The following SYT1 variants were observed in gnomAD, a reference collection of about 807,000 sequenced individuals.
The protein encoded by SYT1 is synaptotagmin-1.
Under a neutral mutation model 44.8 loss-of-function variants are expected in SYT1, and 8 were observed. The ratio of observed to expected loss-of-function variants is 0.18; its 90% CI spans 0.10 to 0.32. The LOEUF (loss-of-function observed/expected upper bound fraction) is 0.32, where lower values mean the gene tolerates loss of function less well. Among genes scored for constraint, SYT1 ranks in the 10% least tolerant of loss-of-function variants. SYT1 has a pLI of 1.00. For synonymous variants in SYT1, 154 were observed against 188.8 expected (o/e 0.82, Z 1.51); for missense variants, 286 against 509.3 (o/e 0.56, Z 4.22).
intron 3 of SYT1, among the ~76,000 whole-genome samples, chr12:79,069,218 G>C (rs920385999): frequency 2.6e-5 from 4 of 152,186 alleles, no homozygotes; most frequent in Admixed American, 2.0e-4. Flanking sequence ...AAGACCACAG[G>C]TAATATTTCT....
At chr12:78,993,457 C>A (rs1219022085) in intron 2 of SYT1, among the ~76,000 whole-genome samples, 1 of 152,130 alleles carries the variant, frequency 6.6e-6, no homozygotes, top group East Asian at 1.9e-4. Context: ...ACATTAGGTC[C>A]TGTGATGTTG....
intron 1 of SYT1, among the ~76,000 whole-genome samples, chr12:78,877,206 A>G (rs913074222): frequency 6.6e-6 from 1 of 151,424 alleles, no homozygotes; most frequent in Non-Finnish European, 1.5e-5. Context: ...CCTCAAAATC[A>G]TGGCAGAAGA....
chr12:79,375,249 C>T (rs908392018), intron 9 of SYT1, among the ~76,000 whole-genome samples: 28 of 152,152 alleles, frequency 1.8e-4, no homozygotes, highest in Admixed American at 1.2e-3. Context: ...AGGAAGAGTA[C>T]TTAACCTCCA....
At chr12:79,008,301 G>A (rs953630909) in intron 2 of SYT1, among the ~76,000 whole-genome samples, 1 of 152,088 alleles carries the variant, frequency 6.6e-6, no homozygotes, top group East Asian at 1.9e-4. Flanking sequence ...GCAGATAGAA[G>A]TGTATGGCTG....
intron 8 of SYT1, among the ~76,000 whole-genome samples, chr12:79,329,728 G>A (rs1274804157): frequency 6.6e-6 from 1 of 152,162 alleles, no homozygotes; most frequent in Admixed American, 6.5e-5. Context: ...TCCAAGCTGT[G>A]TCTGTCTGAC....
chr12:79,284,549 T>C (rs1879208544), intron 4 of SYT1, among the ~76,000 whole-genome samples: 1 of 152,084 alleles, frequency 6.6e-6, no homozygotes, highest in African/African-American at 2.4e-5. Context: ...AAATGATAGC[T>C]AACTTTGGCC....
At chr12:79,366,894 CTGTGTGTGTGTGTGTGTGTGTG>C (rs3995413) in intron 9 of SYT1, among the ~76,000 whole-genome samples, 24 of 117,424 alleles carry the variant, frequency 2.0e-4, no homozygotes, top group Admixed American at 5.3e-4. Flanking sequence ...ATAAATAATA[CTGTGTGTGTGTGTGTGTGTGTG>C]TGTGTGTGTG....
At chr12:79,159,853 C>T (rs1044649037) in intron 3 of SYT1, among the ~76,000 whole-genome samples, 11 of 152,078 alleles carry the variant, frequency 7.2e-5, no homozygotes, top group East Asian at 1.9e-4. Context: ...TCCAATTTCT[C>T]GGAGTTAAAA....
intron 1 of SYT1, among the ~76,000 whole-genome samples, chr12:78,903,174 G>A (rs1875758174): frequency 6.6e-6 from 1 of 151,588 alleles, no homozygotes; most frequent in Non-Finnish European, 1.5e-5. Flanking sequence ...TCAAATAAAT[G>A]TAGATACTTT....
At chr12:79,112,045 A>G (rs1879042502) in intron 3 of SYT1, among the ~76,000 whole-genome samples, 1 of 151,976 alleles carries the variant, frequency 6.6e-6, no homozygotes, top group Admixed American at 6.6e-5. Flanking sequence ...AAAAACACAA[A>G]GAACTGCAAT....
At chr12:79,080,109 C>T (rs1344130991) in intron 3 of SYT1, among the ~76,000 whole-genome samples, 1 of 152,076 alleles carries the variant, frequency 6.6e-6, no homozygotes, top group Non-Finnish European at 1.5e-5. Context: ...ACTTTCTGCT[C>T]TTTCAATGAG....
chr12:79,103,539 T>C (rs1878548171), intron 3 of SYT1, among the ~76,000 whole-genome samples: 1 of 152,086 alleles, frequency 6.6e-6, no homozygotes, highest in African/African-American at 2.4e-5. Context: ...AGATAGTAGG[T>C]ATATTCTTTT....
chr12:79,286,218 G>A (rs1402165028), intron 5 of SYT1, among the ~76,000 whole-genome samples: 1 of 152,148 alleles, frequency 6.6e-6, no homozygotes, highest in East Asian at 1.9e-4. Flanking sequence ...ATCTTGATGG[G>A]TTTGGCATAT....
At chr12:79,426,037 G>T (rs1038342686) in intron 9 of SYT1, among the ~76,000 whole-genome samples, 37 of 151,202 alleles carry the variant, frequency 2.4e-4, no homozygotes, top group African/African-American at 8.5e-4. Flanking sequence ...TAAGTAAAAA[G>T]TTGTGAGTTG....
intron 9 of SYT1, among the ~76,000 whole-genome samples, chr12:79,411,633 A>G (rs1255492438): frequency 6.6e-6 from 1 of 152,154 alleles, no homozygotes. Flanking sequence ...ACATAAATAT[A>G]TGTGTTTACA....
chr12:79,440,840 G>C (rs1382756144), intron 9 of SYT1, among the ~76,000 whole-genome samples: 9 of 152,118 alleles, frequency 5.9e-5, no homozygotes, highest in African/African-American at 2.2e-4. Flanking sequence ...TTTCCATTTA[G>C]AGAACTCAAC....
At chr12:79,092,762 A>G (rs1251699357) in intron 3 of SYT1, among the ~76,000 whole-genome samples, 1 of 151,714 alleles carries the variant, frequency 6.6e-6, no homozygotes, top group Non-Finnish European at 1.5e-5. Flanking sequence ...TATAAATTTC[A>G]TTGAAGAAAA....
At chr12:79,413,261 A>G (rs891073872) in intron 9 of SYT1, among the ~76,000 whole-genome samples, 5 of 152,210 alleles carry the variant, frequency 3.3e-5, no homozygotes, top group Non-Finnish European at 7.3e-5. Flanking sequence ...ACACTGCTTC[A>G]TATGTGATTT....
chr12:78,934,591 A>G (rs748262180), intron 1 of SYT1, among the ~76,000 whole-genome samples: 1 of 152,126 alleles, frequency 6.6e-6, no homozygotes, highest in Non-Finnish European at 1.5e-5. Flanking sequence ...CTTGTCTTAC[A>G]TCATGTCCGG....
Sources: allele counts gnomAD v4.1 joint callset (sites outside exome capture counted in the v4.1 genomes callset), GRCh38; gene constraint gnomAD v4.1.1; transcripts MANE v1.5; gene names NCBI Gene and HGNC (gene_info 2026-07-23, HGNC 2026-07-21).